NR6A1: variants seen among roughly 807,000 people sequenced by gnomAD.
The protein encoded by NR6A1 is nuclear receptor subfamily 6 group A member 1.
A neutral mutation model predicts 59.1 loss-of-function variants in NR6A1; 7 were observed. The ratio of observed to expected loss-of-function variants is 0.12; its 90% CI spans 0.07 to 0.22. The LOEUF (loss-of-function observed/expected upper bound fraction) is 0.22. NR6A1 is among the 10% of genes least tolerant of loss of function. The pLI, the probability that NR6A1 is intolerant of heterozygous loss-of-function variation, is 1.00. For synonymous variants in NR6A1, 243 were observed against 236.1 expected (o/e 1.03, Z -0.27); for missense variants, 468 against 611.6 (o/e 0.77, Z 2.48).
At chr9:124,553,482 T>C (rs1471449321) in intron 3 of NR6A1, among the ~76,000 whole-genome samples, 1 of 151,740 alleles carries the variant, frequency 6.6e-6, no homozygotes, top group Admixed American at 6.6e-5. Flanking sequence ...GGCCAACATT[T>C]TGCCCCACCC....
intron 2 of NR6A1, among the ~76,000 whole-genome samples, chr9:124,608,330 C>G (rs962193102): frequency 6.6e-6 from 1 of 150,616 alleles, no homozygotes; most frequent in Non-Finnish European, 1.5e-5. Flanking sequence ...GTGTGTTGTT[C>G]CCCTCCCTGT....
chr9:124,518,724 G>A lies in NR6A1; in HGVS notation c.*3981C>T, dbSNP rs147394119. ...GGGGAGGCAGGGGAGTAAGAGTAGC[G>A]GATTTTTTTGTTAAATTTTGTTTGT... is the stretch of plus-strand genomic sequence containing the variant. On this transcript the variant is annotated 3_prime_UTR_variant, in exon 10 of 10. Coordinates refer to ENST00000487099, the MANE Select transcript of NR6A1 (RefSeq NM_033334.4). 846 of 151,636 alleles carry A rather than the reference G, an allele frequency of 5.6e-3. 7 individuals carry two copies. The highest frequency in any genetic ancestry group is 0.019 in the African/African-American group (799 of 41,336). The allele number at this position is 151,636 out of a possible 1,614,324, so 9.4% of individuals were successfully genotyped here. A position where few individuals can be genotyped will look rare whatever the true frequency, so the allele number is the denominator to read the frequency against.
intron 2 of NR6A1, among the ~76,000 whole-genome samples, chr9:124,729,003 T>C (rs748062245): frequency 6.6e-5 from 10 of 152,230 alleles, no homozygotes; most frequent in Non-Finnish European, 1.5e-4. Context: ...GTAATTTGAC[T>C]TGAGCCATAA....
chr9:124,726,996 CA>C (rs1395671400), intron 2 of NR6A1, among the ~76,000 whole-genome samples: 1 of 152,202 alleles, frequency 6.6e-6, no homozygotes, highest in Admixed American at 6.5e-5. Flanking sequence ...CACAGTTTAA[CA>C]CTAAGCTCTT....
At chr9:124,747,232 T>C (rs533850600) in intron 1 of NR6A1, among the ~76,000 whole-genome samples, 7 of 140,600 alleles carry the variant, frequency 5.0e-5, no homozygotes, top group South Asian at 2.3e-4. Flanking sequence ...CTTAGTCACC[T>C]AGGCTACAGT....
chr9:124,744,369 C>A (rs924659194), intron 1 of NR6A1, among the ~76,000 whole-genome samples: 10 of 152,224 alleles, frequency 6.6e-5, no homozygotes, highest in African/African-American at 2.4e-4. Context: ...CAGCTTGACA[C>A]TTTACATGAA....
chr9:124,730,749 A>G (rs1483881339), intron 2 of NR6A1, among the ~76,000 whole-genome samples: 1 of 152,132 alleles, frequency 6.6e-6, no homozygotes, highest in African/African-American at 2.4e-5. Flanking sequence ...TTCTGAGAAT[A>G]TCAAGGACCT....
At chr9:124,550,100 T>C (rs1833725757) in intron 3 of NR6A1, among the ~76,000 whole-genome samples, 3 of 152,198 alleles carry the variant, frequency 2.0e-5, no homozygotes, top group Non-Finnish European at 4.4e-5. Context: ...TGAACTTACC[T>C]CTCTGTGTGT....
chr9:124,665,025 A>C (rs1436883584), intron 2 of NR6A1, among the ~76,000 whole-genome samples: 1 of 150,670 alleles, frequency 6.6e-6, no homozygotes, highest in Non-Finnish European at 1.5e-5. Context: ...AAAAAAAAAA[A>C]AAAAAAAAAA....
At chr9:124,540,416 G>A (rs559498506) in intron 4 of NR6A1, among the ~76,000 whole-genome samples, 5 of 152,266 alleles carry the variant, frequency 3.3e-5, no homozygotes, top group East Asian at 3.9e-4. Flanking sequence ...CTCTCAAGCC[G>A]TGAAGCCTCA....
At chr9:124,635,514 T>C (rs1179809834) in intron 2 of NR6A1, among the ~76,000 whole-genome samples, 1 of 152,224 alleles carries the variant, frequency 6.6e-6, no homozygotes, top group Non-Finnish European at 1.5e-5. Flanking sequence ...AAGCTTCCTG[T>C]GGCCTCCCCA....
intron 2 of NR6A1, among the ~76,000 whole-genome samples, chr9:124,694,142 C>A (rs1838663064): frequency 6.6e-6 from 1 of 152,080 alleles, no homozygotes; most frequent in African/African-American, 2.4e-5. Context: ...CTTCAATCAT[C>A]ATCTGCAATC....
At position 124,525,697 on chromosome 9, in the gene NR6A1, C is replaced by CTATA. The variant is rs1401027861; in HGVS notation, c.1202-825_1202-824insTATA. Reference sequence around the variant, plus strand: ...AATAGATCTCTCTCTCTCTCTCTCTCTCTATATATATATACACACACACAC... The same window carrying CTATA: ...AATAGATCTCTCTCTCTCTCTCTCTCTATATCTATATATATATACACACACACAC... On this transcript the variant is annotated intron_variant, in intron 8 of 9. Coordinates refer to ENST00000487099, the MANE Select transcript of NR6A1 (RefSeq NM_033334.4). 4.2e-3 allele frequency among the ~76,000 whole-genome samples: 633 copies of CTATA among 149,346 alleles called. 4 individuals are homozygous for CTATA. The highest frequency in any genetic ancestry group is 0.015 in the African/African-American group (605 of 40,456).
intron 2 of NR6A1, among the ~76,000 whole-genome samples, chr9:124,581,743 C>T (rs1220920202): frequency 6.6e-6 from 1 of 152,072 alleles, no homozygotes; most frequent in African/African-American, 2.4e-5. Context: ...AAAAAACCAA[C>T]CACATTGAAA....
intron 4 of NR6A1, 82 bp from the exon 5 acceptor site, chr9:124,540,269 C>G: frequency 7.0e-7 from 1 of 1,432,786 alleles, no homozygotes; most frequent in Non-Finnish European, 9.4e-7. Flanking sequence ...ATTTAAATCT[C>G]ATAGGATTTC....
intron 2 of NR6A1, among the ~76,000 whole-genome samples, chr9:124,681,054 T>G (rs1478614749): frequency 6.6e-6 from 1 of 152,224 alleles, no homozygotes; most frequent in Non-Finnish European, 1.5e-5. Flanking sequence ...TATTCAATCT[T>G]GACCCTGAGC....
intron 2 of NR6A1, among the ~76,000 whole-genome samples, chr9:124,685,060 T>C (rs1838288836): frequency 1.3e-5 from 2 of 152,220 alleles, no homozygotes; most frequent in South Asian, 4.1e-4. Flanking sequence ...CACATACATG[T>C]AGTCAAAGAT....
At position 124,540,248 on chromosome 9, in the gene NR6A1, A is replaced by C. The variant is rs573463758; in HGVS notation, c.442-61T>G. 78 of 1,516,534 alleles carry C rather than the reference A, an allele frequency of 5.1e-5. 2 individuals are homozygous for C. The South Asian group carries it at 9.1e-4, about 18-fold the overall frequency. The allele number at this position is 1,516,534 out of a possible 1,614,324, so 93.9% of individuals were successfully genotyped here. A position where few individuals can be genotyped will look rare whatever the true frequency, so the allele number is the denominator to read the frequency against. ...TCAGGACACTTGCTCTTTCTTCAGG[A>C]CTGAGAGCTTATTTAAATCTCATAG... On this transcript the variant is annotated intron_variant, in intron 4 of 9. Transcript: ENST00000487099.
In NR6A1 at chr9:124,517,589, T is replaced by TAGGGC. The variant is rs1832715525; in HGVS notation, c.*5111_*5115dup. The TAGGGC allele has an allele frequency of 6.6e-6, 1 of 152,258 alleles. No individual in the cohort carries two copies. The highest frequency in any genetic ancestry group is 6.5e-5 in the Admixed American group (1 of 15,284). The allele number at this position is 152,258 out of a possible 1,614,324, so 9.4% of individuals were successfully genotyped here. ...ACAGGACTGTGGGTGGAGGTGGACCTAGGGCAGGTAACCTGGGGGTAGGCT... is the reference window on the plus strand; with the variant it reads ...ACAGGACTGTGGGTGGAGGTGGACCTAGGGCAGGGCAGGTAACCTGGGGGTAGGCT... On this transcript the variant is annotated 3_prime_UTR_variant, in exon 10 of 10. Transcript: ENST00000487099.
Sources: gnomAD v4.1 joint callset for allele counts (sites outside exome capture counted in the v4.1 genomes callset) on GRCh38, gnomAD v4.1.1 for gene constraint, MANE v1.5 for transcripts, NCBI Gene and HGNC (gene_info 2026-07-23, HGNC 2026-07-21) for gene names.